FOCAD: variants seen among roughly 807,000 people sequenced by gnomAD.
FOCAD encodes the protein KIAA1797.
FOCAD carries 198 observed loss-of-function variants against 225.6 expected under a neutral mutation model. That is an observed-to-expected ratio of 0.88 (90% CI 0.78 to 0.99). The LOEUF (loss-of-function observed/expected upper bound fraction) is 0.99. FOCAD is among the 50% of genes least tolerant of loss of function. The probability of loss-of-function intolerance (pLI) is 0.00; values close to 1 mark genes in which losing one functional copy is unlikely to be tolerated. For synonymous variants in FOCAD, 897 were observed against 755.0 expected (o/e 1.19, Z -3.08); for missense variants, 2,713 against 2,123.6 (o/e 1.28, Z -5.46).
At chr9:20,887,107 T>C (rs1831162455) in intron 21 of FOCAD, among the ~76,000 whole-genome samples, 1 of 152,228 alleles carries the variant, frequency 6.6e-6, no homozygotes, top group African/African-American at 2.4e-5. Context: ...TTGCATCTTG[T>C]CTTTCTTTTG....
chr9:20,876,672 T>G (rs1204887407), intron 19 of FOCAD, among the ~76,000 whole-genome samples: 1 of 152,152 alleles, frequency 6.6e-6, no homozygotes, highest in Admixed American at 6.5e-5. Context: ...CCATGGACAT[T>G]TTTTCGTTGA....
chr9:20,764,927 C>G lies in FOCAD; in HGVS notation c.553C>G (p.Pro185Ala). Residue 185 changes from proline (P) to alanine (A), a missense_variant, in exon 7 of 44, where the codon CCA (proline) becomes GCA (alanine). Transcript: ENST00000338382. ...ATTTCTGTGGTATCTGTATTGTGAACCATCTCAGTTACAAGAATATGCTAA... is the reference window on the plus strand; with the variant it reads ...ATTTCTGTGGTATCTGTATTGTGAAGCATCTCAGTTACAAGAATATGCTAA... ...APFLWYLYCEPSQLQEYAKLR... is the reference protein window; with the variant it reads ...APFLWYLYCEASQLQEYAKLR... 1 of 1,614,080 alleles carries G rather than the reference C, an allele frequency of 6.2e-7. No homozygotes were observed. Among genetic ancestry groups the G allele is most frequent in the Non-Finnish European group, 8.5e-7 (1 of 1,180,012 alleles).
chr9:20,664,954 C>G (rs546968574), intron 2 of FOCAD, among the ~76,000 whole-genome samples: 1 of 94,580 alleles, frequency 1.1e-5, no homozygotes, highest in Non-Finnish European at 2.4e-5. Flanking sequence ...GTGGAAAACA[C>G]TGCATTTTTT....
At chr9:20,768,093 C>T (rs1303575683) in intron 7 of FOCAD, among the ~76,000 whole-genome samples, 1 of 149,560 alleles carries the variant, frequency 6.7e-6, no homozygotes. Flanking sequence ...ATCCTTTCCC[C>T]ATTGCTTGTT....
At chr9:20,703,294 G>C (rs1476607613) in intron 1 of FOCAD, among the ~76,000 whole-genome samples, 1 of 152,112 alleles carries the variant, frequency 6.6e-6, no homozygotes, top group Non-Finnish European at 1.5e-5. Flanking sequence ...GGGCCTGAGA[G>C]TTCTAGACCC....
intron 9 of FOCAD, among the ~76,000 whole-genome samples, chr9:20,780,324 C>T (rs990290218): frequency 3.8e-4 from 58 of 152,296 alleles, no homozygotes; most frequent in Non-Finnish European, 1.0e-4. Flanking sequence ...ATTCTAAAGC[C>T]TCAGAAAATC....
chr9:20,931,117 C>A (rs1312710843), intron 27 of FOCAD, among the ~76,000 whole-genome samples: 1 of 152,170 alleles, frequency 6.6e-6, no homozygotes, highest in African/African-American at 2.4e-5. Context: ...GGCTGACAAG[C>A]TTGCATTTGT....
At chr9:20,971,222 A>G (rs990788581) in intron 35 of FOCAD, among the ~76,000 whole-genome samples, 2 of 152,172 alleles carry the variant, frequency 1.3e-5, no homozygotes, top group Admixed American at 6.5e-5. Context: ...TTGCATGCCT[A>G]TATCAAAATA....
chr9:20,958,722 C>G lies in FOCAD; in HGVS notation c.4132+5657C>G, dbSNP rs1838427948. 3.9e-5 allele frequency among the ~76,000 whole-genome samples: 6 copies of G among 152,232 alleles called. No individual in the cohort carries two copies. In the South Asian group the frequency reaches 1.2e-3, roughly 32 times the overall value. On this transcript the variant is annotated intron_variant, in intron 35 of 43. Transcript: ENST00000338382. ...CTTTCCTAGCCTCTAAGTATTCTCT[C>G]TTCTACTTTTTACTTCTGAGAGATC...
intron 15 of FOCAD, among the ~76,000 whole-genome samples, chr9:20,843,791 A>T (rs1826796115): frequency 6.6e-6 from 1 of 152,138 alleles, no homozygotes; most frequent in Non-Finnish European, 1.5e-5. Flanking sequence ...CATATATTCT[A>T]GTGTGCTACT....
intron 28 of FOCAD, among the ~76,000 whole-genome samples, chr9:20,942,093 G>A (rs990347708): frequency 3.3e-5 from 5 of 152,200 alleles, no homozygotes; most frequent in African/African-American, 1.2e-4. Context: ...AGGGGCAATA[G>A]ATGTATATGC....
At chr9:20,854,352 G>T (rs1195886309) in intron 15 of FOCAD, among the ~76,000 whole-genome samples, 2 of 151,664 alleles carry the variant, frequency 1.3e-5, no homozygotes, top group Non-Finnish European at 3.0e-5. Context: ...AGTGTATAAA[G>T]TAGGTGTACA....
Position 20,907,137 on chromosome 9 carries a change from A to G in FOCAD, c.2626-13A>G. Reference sequence around the variant, plus strand: ...TGTGTAGCCTAATATGTTGTGGTACATTTTTCCCATAGGTTCATATCCAGC... The same window carrying G: ...TGTGTAGCCTAATATGTTGTGGTACGTTTTTCCCATAGGTTCATATCCAGC... On this transcript the variant is annotated splice_polypyrimidine_tract_variant and intron_variant, in intron 21 of 43. Transcript: ENST00000338382. 1 of 1,604,952 alleles carries G rather than the reference A, an allele frequency of 6.2e-7. No homozygotes were observed. The highest frequency in any genetic ancestry group is 1.1e-5 in the South Asian group (1 of 90,800).
chr9:20,944,525 A>T, intron 28 of FOCAD, 102 bp from the exon 29 acceptor site: 4 of 1,328,306 alleles, frequency 3.0e-6, no homozygotes, highest in African/African-American at 2.9e-5. Flanking sequence ...GAATCCAGCC[A>T]TCTCACCAAG....
chr9:20,990,165 G>A lies in FOCAD; in HGVS notation c.5047G>A (p.Ala1683Thr), dbSNP rs150147497. 0.013 allele frequency: 21,209 copies of A among 1,614,196 alleles called. 193 individuals are homozygous for A. Among genetic ancestry groups the A allele is most frequent in the Non-Finnish European group, 0.016 (19,147 of 1,180,010 alleles). Residue 1683 changes from alanine to threonine, a missense_variant, in exon 42 of 44, where the codon GCA (alanine) becomes ACA (threonine). By Grantham distance (58) the Ala-to-Thr change is moderately conservative (BLOSUM62 0). Coordinates refer to ENST00000338382, the MANE Select transcript of FOCAD (RefSeq NM_001375567.1). ...GCTGATATTTGCAACCGCAGTGGTT[G>A]CATGGGCTGACCACACTGCCCCTCT... ...FLLIFATAVV[A>T]WADHTAPLLL...
chr9:20,868,538 A>G (rs1829483941), intron 18 of FOCAD, among the ~76,000 whole-genome samples: 1 of 152,022 alleles, frequency 6.6e-6, no homozygotes, highest in Admixed American at 6.6e-5. Flanking sequence ...ACTCTTCTAA[A>G]CTCTTTGATC....
intron 11 of FOCAD, among the ~76,000 whole-genome samples, chr9:20,818,737 C>G (rs1435684619): frequency 6.6e-6 from 1 of 151,948 alleles, no homozygotes; most frequent in African/African-American, 2.4e-5. Flanking sequence ...TCTTTCTAAT[C>G]TTATGCCAGT....
At chr9:20,864,752 C>G (rs1255617554) in intron 16 of FOCAD, among the ~76,000 whole-genome samples, 1 of 152,026 alleles carries the variant, frequency 6.6e-6, no homozygotes, top group Non-Finnish European at 1.5e-5. Flanking sequence ...TTCATTGAAT[C>G]AGAATATATT....
chr9:20,712,337 A>G (rs1470793450), intron 1 of FOCAD, among the ~76,000 whole-genome samples: 2 of 152,332 alleles, frequency 1.3e-5, no homozygotes, highest in Non-Finnish European at 2.9e-5. Context: ...TTCCATGTGT[A>G]AAATGGCCAA....
Sources: allele counts gnomAD v4.1 joint callset (sites outside exome capture counted in the v4.1 genomes callset), GRCh38; gene constraint gnomAD v4.1.1; transcripts MANE v1.5; gene names NCBI Gene and HGNC (gene_info 2026-07-23, HGNC 2026-07-21).